GPHN: variants seen among roughly 807,000 people sequenced by gnomAD.
The protein encoded by GPHN is gephyrin.
A neutral mutation model predicts 95.5 loss-of-function variants in GPHN; 17 were observed. The ratio of observed to expected loss-of-function variants is 0.18; its 90% CI spans 0.12 to 0.27. The LOEUF is 0.27. GPHN is among the 10% of genes least tolerant of loss of function. The pLI is 1.00. For missense variants in GPHN, 660 were observed against 978.1 expected, an observed-to-expected ratio of 0.67 and a Z score of 4.34; for synonymous variants, 320 against 322.5, an observed-to-expected ratio of 0.99 and a Z score of 0.08.
intron 4 of GPHN, among the ~76,000 whole-genome samples, chr14:66,850,978 G>T (rs941179099): frequency 6.6e-6 from 1 of 151,842 alleles, no homozygotes; most frequent in Admixed American, 6.6e-5. Context: ...TTTGTTATAA[G>T]AATATATAAT....
rs562439863 is a variant in GPHN at position 67,111,775 on chromosome 14, C to T, written c.1414-86C>T. 5.3e-4 allele frequency: 499 copies of T among 946,644 alleles called. 8 individuals are homozygous for T. The South Asian group carries it at 6.3e-3, about 12-fold the overall frequency. 58.6% of individuals were successfully genotyped at this position (946,644 alleles called of 1,614,324 possible). Reference sequence around the variant, plus strand: ...TGTCTATATTTGTATATATCCTGGGCCTATCTGATGGTAAAAGTATCGGAG... The same window carrying T: ...TGTCTATATTTGTATATATCCTGGGTCTATCTGATGGTAAAAGTATCGGAG... On this transcript the variant is annotated intron_variant, in intron 14 of 22. Coordinates refer to ENST00000478722, the MANE Select transcript of GPHN (RefSeq NM_020806.5).
intron 9 of GPHN, among the ~76,000 whole-genome samples, chr14:66,969,997 A>C (rs1594672743): frequency 6.6e-6 from 1 of 151,854 alleles, no homozygotes; most frequent in South Asian, 2.1e-4. Context: ...TTTGATTTTG[A>C]GTAAGTAAAT....
chr14:66,891,647 C>G (rs1006756991), intron 5 of GPHN, among the ~76,000 whole-genome samples: 4 of 152,020 alleles, frequency 2.6e-5, no homozygotes, highest in Non-Finnish European at 2.9e-5. Context: ...ATAATTTGGA[C>G]TTTATCGATG....
chr14:67,355,054 C>T, the GPHN span, among the ~76,000 whole-genome samples: 7 of 152,018 alleles, frequency 4.6e-5, no homozygotes, highest in African/African-American at 9.7e-5. Context: ...TCAGGTGATC[C>T]GCCCACCTCG....
At chr14:67,586,029 T>G in the GPHN span, 1 of 1,613,874 alleles carries the variant, frequency 6.2e-7, no homozygotes, top group Non-Finnish European at 8.5e-7. Context: ...TGTGATTAGA[T>G]CTATCCCAGA....
the GPHN span, among the ~76,000 whole-genome samples, chr14:67,549,090 A>G: frequency 5.9e-5 from 9 of 152,122 alleles, no homozygotes; most frequent in East Asian, 1.7e-3. Context: ...AAGGCCAGGT[A>G]CCATAAAAGG....
At chr14:67,695,912 C>A in the GPHN span, 1 of 583,556 alleles carries the variant, frequency 1.7e-6, no homozygotes, top group Non-Finnish European at 3.1e-6. Context: ...CATCGCTAAT[C>A]CCCAACCATC....
At chr14:66,728,370 C>G (rs1272449331) in intron 2 of GPHN, among the ~76,000 whole-genome samples, 3 of 152,144 alleles carry the variant, frequency 2.0e-5, no homozygotes, top group Admixed American at 6.5e-5. Context: ...TCATTGTCCT[C>G]CAGACTTCAG....
At chr14:67,580,077 T>A in the GPHN span, 1 of 561,318 alleles carries the variant, frequency 1.8e-6, no homozygotes, top group South Asian at 2.2e-5. Context: ...CCCTTGTCTC[T>A]GGAGACAAGA....
the GPHN span, among the ~76,000 whole-genome samples, chr14:67,632,881 C>T: frequency 2.6e-5 from 3 of 117,526 alleles, no homozygotes; most frequent in Non-Finnish European, 4.8e-5. Flanking sequence ...AGTGCAGTGG[C>T]GTGATCTCGG....
intron 2 of GPHN, among the ~76,000 whole-genome samples, chr14:66,706,574 A>G (rs1018562025): frequency 3.3e-5 from 5 of 152,214 alleles, no homozygotes; most frequent in African/African-American, 1.2e-4. Flanking sequence ...AGGACTCCCT[A>G]TTTAATAAAT....
At chr14:67,478,064 C>G in the GPHN span, among the ~76,000 whole-genome samples, 206 of 152,360 alleles carry the variant, frequency 1.4e-3, 1 homozygote, top group African/African-American at 4.5e-3. Context: ...AACAAATCAT[C>G]TCAAAAACCC....
At chr14:67,481,616 T>C in the GPHN span, among the ~76,000 whole-genome samples, 1 of 152,312 alleles carries the variant, frequency 6.6e-6, no homozygotes, top group East Asian at 1.9e-4. Context: ...TTGACTTGGA[T>C]GCGTTTTCAG....
chr14:66,646,310 A>C (rs2064740738), intron 1 of GPHN, among the ~76,000 whole-genome samples: 1 of 152,156 alleles, frequency 6.6e-6, no homozygotes, highest in African/African-American at 2.4e-5. Context: ...AACCAGAAGA[A>C]TCCTGAAATA....
chr14:67,171,665 A>G (rs575019617), intron 21 of GPHN, among the ~76,000 whole-genome samples: 2 of 152,270 alleles, frequency 1.3e-5, no homozygotes, highest in South Asian at 4.2e-4. Flanking sequence ...CCCCCTCACA[A>G]ACACAGCCAG....
chr14:67,241,923 AG>A, the GPHN span: 1 of 152,156 alleles, frequency 6.6e-6, no homozygotes, highest in Non-Finnish European at 1.5e-5. Context: ...GAAATCGGCG[AG>A]GGAACGCTTT....
At chr14:67,645,629 C>T in the GPHN span, 1 of 1,611,010 alleles carries the variant, frequency 6.2e-7, no homozygotes, top group Non-Finnish European at 8.5e-7. Context: ...CAAGATTATA[C>T]TTGTTCTTTG....
intron 4 of GPHN, among the ~76,000 whole-genome samples, chr14:66,838,420 T>C (rs77598135): frequency 2.6e-5 from 4 of 152,220 alleles, no homozygotes; most frequent in Admixed American, 6.5e-5. Flanking sequence ...CACAATAGTA[T>C]AGTTGCAGAA....
intron 4 of GPHN, among the ~76,000 whole-genome samples, chr14:66,861,767 AG>A (rs1478205496): frequency 1.3e-5 from 2 of 152,120 alleles, no homozygotes; most frequent in African/African-American, 4.8e-5. Context: ...GAAGGAATTA[AG>A]GAAACTGAAA....
Sources: gnomAD v4.1 joint callset for allele counts (sites outside exome capture counted in the v4.1 genomes callset) on GRCh38, gnomAD v4.1.1 for gene constraint, MANE v1.5 for transcripts, NCBI Gene and HGNC (gene_info 2026-07-23, HGNC 2026-07-21) for gene names.